The following TMOD3 variants were observed in gnomAD, a reference collection of about 807,000 sequenced individuals.
The protein encoded by TMOD3 is tropomodulin 3.
A neutral mutation model predicts 39.2 loss-of-function variants in TMOD3; 20 were observed. The observed-to-expected ratio is 0.51, with a 90% CI of 0.36 to 0.74. The LOEUF (loss-of-function observed/expected upper bound fraction) is 0.74, where lower values mean the gene tolerates loss of function less well. TMOD3 is among the 30% of genes least tolerant of loss of function. TMOD3 has a pLI of 0.00. For synonymous variants in TMOD3, 143 were observed against 145.8 expected (o/e 0.98, Z 0.14); for missense variants, 381 against 412.8 (o/e 0.92, Z 0.67).
At chr15:51,906,581 A>G (rs1027060247) in intron 9 of TMOD3, among the ~76,000 whole-genome samples, 4 of 152,196 alleles carry the variant, frequency 2.6e-5, no homozygotes, top group African/African-American at 7.2e-5. Flanking sequence ...AGTTAACTGC[A>G]TATTCCATTT....
Position 51,912,738 on chromosome 15 carries a change from A to G in TMOD3, c.*3928A>G, listed in dbSNP as rs566465997. 6.6e-6 allele frequency: 1 copy of G among 152,302 alleles called. No homozygotes were observed. Among genetic ancestry groups the G allele is most frequent in the East Asian group, 1.9e-4 (1 of 5,166 alleles). 9.4% of individuals were successfully genotyped at this position (152,302 alleles called of 1,614,324 possible). ...TACTGCACTTTGAACGTATTGACCC[A>G]TGTCACCCAAGAGAAGCAAACATAT... is the stretch of plus-strand genomic sequence containing the variant. On this transcript the variant is annotated 3_prime_UTR_variant, in exon 10 of 10. Transcript: ENST00000308580.
chr15:51,858,645 A>G (rs1283351649), intron 1 of TMOD3, among the ~76,000 whole-genome samples: 1 of 152,176 alleles, frequency 6.6e-6, no homozygotes, highest in East Asian at 1.9e-4. Flanking sequence ...TATTTTCCAG[A>G]ACAAATGCAT....
chr15:51,869,086 A>G, intron 2 of TMOD3, 131 bp from the exon 3 acceptor site: 1 of 924,700 alleles, frequency 1.1e-6, no homozygotes, highest in Non-Finnish European at 1.6e-6. Flanking sequence ...CTGTCCTAAA[A>G]TCCTGCAATG....
At chr15:51,895,106 A>G (rs564912166) in intron 6 of TMOD3, among the ~76,000 whole-genome samples, 1 of 152,276 alleles carries the variant, frequency 6.6e-6, no homozygotes, top group East Asian at 1.9e-4. Flanking sequence ...AGCATCTGGA[A>G]ATCTTGAGCC....
intron 1 of TMOD3, among the ~76,000 whole-genome samples, chr15:51,831,769 TC>T (rs1310381335): frequency 9.9e-5 from 15 of 152,176 alleles, no homozygotes; most frequent in Non-Finnish European, 4.4e-5. Context: ...CTCCTCCTCT[TC>T]CTTCCTTAAT....
chr15:51,889,586 A>T (rs2056582095), intron 5 of TMOD3, among the ~76,000 whole-genome samples: 1 of 152,214 alleles, frequency 6.6e-6, no homozygotes, highest in East Asian at 1.9e-4. Flanking sequence ...AAACTCATTT[A>T]TAGGGGCCAG....
chr15:51,846,675 CT>C (rs1233493638), intron 1 of TMOD3, among the ~76,000 whole-genome samples: 1 of 152,174 alleles, frequency 6.6e-6, no homozygotes, highest in African/African-American at 2.4e-5. Flanking sequence ...CTGTAAGCCA[CT>C]TCATATCATA....
At chr15:51,875,839 C>CCATCTCCTG (rs1268865341) in intron 3 of TMOD3, among the ~76,000 whole-genome samples, 1 of 151,994 alleles carries the variant, frequency 6.6e-6, no homozygotes, top group Non-Finnish European at 1.5e-5. Context: ...AGGATGTTCG[C>CCATCTCCTG]CATCTCCTGA....
rs78819931 is a variant in TMOD3 at position 51,908,743 on chromosome 15, T to G, written c.1025-33T>G. Reference sequence around the variant, plus strand: ...TTACCATTGTAAAAACTAATAGGGATTTCTAACATAGTTTCTTTTATTTTT... The same window carrying G: ...TTACCATTGTAAAAACTAATAGGGAGTTCTAACATAGTTTCTTTTATTTTT... On this transcript the variant is annotated intron_variant, in intron 9 of 9. Coordinates refer to ENST00000308580, the MANE Select transcript of TMOD3 (RefSeq NM_014547.5). The G allele has an allele frequency of 7.7e-4, 1,205 of 1,569,756 alleles. 8 individuals are homozygous for G. In the African/African-American group the frequency reaches 0.015, roughly 19 times the overall value.
rs766566819 is a variant in TMOD3, at chr15:51,869,327, G to A, written c.237G>A (p.Glu79=). The change falls in exon 3 of 10, where the codon GAG becomes GAA. Residue 79 remains glutamate (E), a synonymous_variant. Transcript: ENST00000308580. ...LLSYLEKEAL[E]HKDREDYVPY... ...CATATCTGGAGAAAGAAGCATTGGA[G>A]CATAAAGACAGGGAAGACTATGTGC... 6.2e-6 allele frequency: 10 copies of A among 1,613,870 alleles called. No homozygotes were observed. Among genetic ancestry groups the A allele is most frequent in the Admixed American group, 3.3e-5 (2 of 59,984 alleles).
chr15:51,889,228 A>G (rs2056580477), intron 5 of TMOD3, 83 bp downstream of exon 5: 5 of 847,906 alleles, frequency 5.9e-6, no homozygotes, highest in Non-Finnish European at 9.7e-6. Flanking sequence ...AAGTGTTCAC[A>G]TACTAGATGT....
Position 51,915,667 on chromosome 15 carries a change from A to G in TMOD3, c.*6857A>G, listed in dbSNP as rs1471949454. ...AGACTATGTACTGGAAGCATTTAGA[A>G]CTTACCAATATATACTGGGATAAAT... On this transcript the variant is annotated 3_prime_UTR_variant, in exon 10 of 10. Coordinates refer to ENST00000308580, the MANE Select transcript of TMOD3 (RefSeq NM_014547.5). 6.6e-6 allele frequency: 1 copy of G among 152,204 alleles called. No individual in the cohort carries two copies. The highest frequency in any genetic ancestry group is 1.9e-4 in the East Asian group (1 of 5,198). The allele number at this position is 152,204 out of a possible 1,614,324, so 9.4% of individuals were successfully genotyped here. A position where few individuals can be genotyped will look rare whatever the true frequency, so the allele number is the denominator to read the frequency against.
chr15:51,879,605 GA>G (rs2056522179), intron 3 of TMOD3, among the ~76,000 whole-genome samples: 1 of 151,698 alleles, frequency 6.6e-6, no homozygotes, highest in African/African-American at 2.4e-5. Context: ...TCAAGCAGAA[GA>G]AAAAATTAGA....
At chr15:51,902,564 A>C (rs2056656693) in intron 9 of TMOD3, among the ~76,000 whole-genome samples, 1 of 151,618 alleles carries the variant, frequency 6.6e-6, no homozygotes, top group Non-Finnish European at 1.5e-5. Flanking sequence ...TCCGCCTCCC[A>C]GGTTCAAGTG....
intron 1 of TMOD3, among the ~76,000 whole-genome samples, chr15:51,832,750 G>A (rs1204525797): frequency 6.6e-6 from 1 of 152,152 alleles, no homozygotes. Flanking sequence ...AAGTATACCT[G>A]GATAGAGGGA....
At chr15:51,859,933 C>G in intron 1 of TMOD3, 1 of 545,132 alleles carries the variant, frequency 1.8e-6, no homozygotes, top group Admixed American at 1.9e-5. Flanking sequence ...TTTCCAACCT[C>G]TTCCCTCTGA....
chr15:51,860,352 T>A (rs1011890391), intron 1 of TMOD3: 2 of 541,294 alleles, frequency 3.7e-6, no homozygotes, highest in African/African-American at 1.9e-5. Context: ...TTCTTCAGAA[T>A]AATCAGGATT....
intron 9 of TMOD3, among the ~76,000 whole-genome samples, chr15:51,905,905 C>CGGCAG (rs2056676266): frequency 7.6e-6 from 1 of 131,796 alleles, no homozygotes; most frequent in Admixed American, 8.4e-5. Context: ...GATTGCGCCA[C>CGGCAG]TGCAGTCCGC....
At chr15:51,883,084 T>C (rs2141697317) in intron 3 of TMOD3, among the ~76,000 whole-genome samples, 1 of 152,274 alleles carries the variant, frequency 6.6e-6, no homozygotes, top group East Asian at 1.9e-4. Context: ...AAAAACACAA[T>C]ATTGTACAAG....
Sources: allele counts gnomAD v4.1 joint callset (sites outside exome capture counted in the v4.1 genomes callset), GRCh38; gene constraint gnomAD v4.1.1; transcripts MANE v1.5; gene names NCBI Gene and HGNC (gene_info 2026-07-23, HGNC 2026-07-21).